Variants in TAB2 observed in about 807,000 individuals in gnomAD.
The protein encoded by TAB2 is TGF-beta-activated kinase 1 and MAP3K7-binding protein 2.
In TAB2, 3 loss-of-function variants were observed where a neutral mutation model predicts 65.0. The observed-to-expected ratio is 0.05, with a 90% CI of 0.02 to 0.12. TAB2 has a LOEUF of 0.12. Ranked by LOEUF, TAB2 falls within the 10% of genes least tolerant of loss-of-function variation. TAB2 has a pLI of 1.00. For missense variants in TAB2, 623 were observed against 840.3 expected, an observed-to-expected ratio of 0.74 and a Z score of 3.20; for synonymous variants, 298 against 285.1, an observed-to-expected ratio of 1.05 and a Z score of -0.46.
At chr6:149,396,150 T>C (rs1240151199) in intron 3 of TAB2, among the ~76,000 whole-genome samples, 1 of 152,166 alleles carries the variant, frequency 6.6e-6, no homozygotes, top group Admixed American at 6.5e-5. Context: ...CCCAAGTAGC[T>C]GGGATTACAG....
chr6:149,289,453 G>C (rs764287539), intron 1 of TAB2, among the ~76,000 whole-genome samples: 8 of 152,056 alleles, frequency 5.3e-5, no homozygotes, highest in African/African-American at 9.7e-5. Context: ...GATCACTGGG[G>C]AGACCTTTAA....
rs17875292 is a variant in TAB2, at chr6:149,400,393, T to C, written c.1939+1209T>C. On this transcript the variant is annotated intron_variant, in intron 6 of 6. Coordinates refer to ENST00000637181, the MANE Select transcript of TAB2 (RefSeq NM_001292034.3). ...GCTGAGGAGACTCCGGTGTTCACCA[T>C]GGCCAACGAAAAGCCCACAGAAGAA... is the stretch of plus-strand genomic sequence containing the variant. 1.3e-3 allele frequency: 2,073 copies of C among 1,613,970 alleles called. 1 individual carries two copies. The highest frequency in any genetic ancestry group is 1.7e-3 in the Non-Finnish European group (1,952 of 1,179,966).
At chr6:149,348,020 G>C (rs1193838171) in intron 1 of TAB2, among the ~76,000 whole-genome samples, 1 of 152,130 alleles carries the variant, frequency 6.6e-6, no homozygotes, top group Non-Finnish European at 1.5e-5. Context: ...TCTTTCTGTG[G>C]TAAAGGTACT....
intron 1 of TAB2, among the ~76,000 whole-genome samples, chr6:149,269,472 T>C (rs1046336806): frequency 1.3e-5 from 2 of 152,218 alleles, no homozygotes; most frequent in South Asian, 2.1e-4. Flanking sequence ...TTTACCCTTT[T>C]TATTGTGCAG....
At chr6:149,281,068 G>T (rs1778563429) in intron 1 of TAB2, among the ~76,000 whole-genome samples, 1 of 151,058 alleles carries the variant, frequency 6.6e-6, no homozygotes, top group Admixed American at 6.6e-5. Flanking sequence ...GGAGTGCAGA[G>T]CATTGGGAAT....
At chr6:149,230,477 C>A (rs916578001) in intron 1 of TAB2, among the ~76,000 whole-genome samples, 1 of 152,166 alleles carries the variant, frequency 6.6e-6, no homozygotes, top group South Asian at 2.1e-4. Context: ...AGTTCTTCAA[C>A]CTTAAAAGGC....
chr6:149,237,759 T>C (rs1474637), intron 1 of TAB2, among the ~76,000 whole-genome samples: 81,696 of 152,012 alleles, frequency 0.54, 22,186 homozygotes, highest in Admixed American at 0.66. Flanking sequence ...CCACTGTGGG[T>C]GCTGGCCATC....
chr6:149,304,532 C>T (rs998920415), intron 1 of TAB2: 5 of 152,252 alleles, frequency 3.3e-5, no homozygotes, highest in African/African-American at 1.2e-4. Flanking sequence ...GCTCACCAGA[C>T]GAAGACATGT....
chr6:149,314,249 A>C (rs956635939), upstream of TAB2, among the ~76,000 whole-genome samples: 2 of 152,178 alleles, frequency 1.3e-5, no homozygotes, highest in Admixed American at 6.5e-5. Context: ...CTTCGAACCT[A>C]ATCTATTTCA....
chr6:149,349,158 C>T (rs757471168), intron 1 of TAB2, among the ~76,000 whole-genome samples: 2 of 152,018 alleles, frequency 1.3e-5, no homozygotes, highest in East Asian at 1.9e-4. Context: ...CCATGTCTCA[C>T]GCCTGTAACC....
At chr6:149,319,965 C>G (rs1454345291) in intron 1 of TAB2, among the ~76,000 whole-genome samples, 1 of 152,160 alleles carries the variant, frequency 6.6e-6, no homozygotes, top group East Asian at 1.9e-4. Context: ...TAACTTAATC[C>G]CGTTTGATTG....
In TAB2 at chr6:149,285,068, G is replaced by A. The variant is rs534257248; in HGVS notation, c.-121+66292G>A. 3.6e-4 allele frequency among the ~76,000 whole-genome samples: 55 copies of A among 152,224 alleles called. 1 individual carries two copies. The highest frequency in any genetic ancestry group is 1.2e-3 in the African/African-American group (50 of 41,558). ...ACATACACATGCTTTGGGATCCCAC[G>A]ATCTGGTTTCTGTTCAGCCACTGAC... On this transcript the variant is annotated intron_variant, in intron 1 of 1. Transcript: ENST00000606202.
intron 3 of TAB2, among the ~76,000 whole-genome samples, chr6:149,394,236 AATTTTTTATTTCTAGCCAT>A (rs1782092396): frequency 6.6e-6 from 1 of 151,970 alleles, no homozygotes; most frequent in East Asian, 1.9e-4. Flanking sequence ...CTCTGATAAG[AATTTTTTATTTCTAGCCAT>A]ATTTTTTATT....
chr6:149,311,859 T>C (rs1779171930), intron 1 of TAB2, among the ~76,000 whole-genome samples: 1 of 152,262 alleles, frequency 6.6e-6, no homozygotes, highest in African/African-American at 2.4e-5. Context: ...AAATAACAGT[T>C]TGATAGCTAT....
intron 1 of TAB2, among the ~76,000 whole-genome samples, chr6:149,281,912 A>G (rs1778582890): frequency 6.6e-6 from 1 of 152,228 alleles, no homozygotes; most frequent in Non-Finnish European, 1.5e-5. Context: ...GGGAAAATAT[A>G]CTATGCTAAC....
rs1296734544 is a variant in TAB2 at position 149,403,307 on chromosome 6, TATATATACACACACATATATATAC to T, written c.1939+4131_1939+4154del. 1.4e-4 allele frequency among the ~76,000 whole-genome samples: 10 copies of T among 70,580 alleles called. No homozygotes were observed. In the East Asian group the frequency reaches 2.9e-3, roughly 20 times the overall value. The allele number at this position is 70,580 out of a possible 152,430, so 46.3% of individuals were successfully genotyped here. On this transcript the variant is annotated intron_variant, in intron 6 of 6. Coordinates refer to ENST00000637181, the MANE Select transcript of TAB2 (RefSeq NM_001292034.3). ...ATACACACACACACATATATATATA[TATATATACACACACATATATATAC>T]ATATATATACACACACACACACACA...
upstream of TAB2, among the ~76,000 whole-genome samples, chr6:149,312,829 A>T (rs949436749): frequency 3.3e-5 from 5 of 152,332 alleles, no homozygotes; most frequent in Middle Eastern, 6.8e-3. Flanking sequence ...GTGATAATTA[A>T]CATATCATCT....
chr6:149,222,322 A>G (rs1777165652), intron 1 of TAB2, among the ~76,000 whole-genome samples: 1 of 152,116 alleles, frequency 6.6e-6, no homozygotes, highest in Non-Finnish European at 1.5e-5. Context: ...AATCCCTCAT[A>G]ATAAACCTTT....
intron 3 of TAB2, among the ~76,000 whole-genome samples, chr6:149,381,330 TCTC>T (rs1312984623): frequency 6.6e-6 from 1 of 152,130 alleles, no homozygotes; most frequent in East Asian, 1.9e-4. Flanking sequence ...ACAACTTAAT[TCTC>T]CTCTTCTCCC....
Sources: allele counts gnomAD v4.1 joint callset (sites outside exome capture counted in the v4.1 genomes callset), GRCh38; gene constraint gnomAD v4.1.1; transcripts MANE v1.5; gene names NCBI Gene and HGNC (gene_info 2026-07-23, HGNC 2026-07-21).